The following GATB variants were observed in gnomAD, a reference collection of about 807,000 sequenced individuals.
The protein encoded by GATB is glutamyl-tRNA(Gln) amidotransferase subunit B, mitochondrial.
In GATB, 39 loss-of-function variants were observed where a neutral mutation model predicts 62.3. The ratio of observed to expected loss-of-function variants is 0.63; its 90% CI spans 0.48 to 0.82. The LOEUF (loss-of-function observed/expected upper bound fraction) is 0.82, where lower values mean the gene tolerates loss of function less well. Ranked by LOEUF, GATB falls within the 40% of genes least tolerant of loss-of-function variation. The pLI, the probability that GATB is intolerant of heterozygous loss-of-function variation, is 0.00. For synonymous variants in GATB, 276 were observed against 258.9 expected, an observed-to-expected ratio of 1.07 and a Z score of -0.63; for missense variants, 670 against 684.0, an observed-to-expected ratio of 0.98 and a Z score of 0.23.
chr4:151,682,881 G>A (rs1303552287), intron 10 of GATB, among the ~76,000 whole-genome samples: 2 of 152,058 alleles, frequency 1.3e-5, no homozygotes, highest in Non-Finnish European at 2.9e-5. Context: ...CCTAGCTGGC[G>A]TCCCACCAAG....
In GATB at chr4:151,753,499, A is replaced by G. The variant is rs545423917; in HGVS notation, c.327+5273T>C. ...CTCACACACTCTTGTCTCCTCTCCC[A>G]TTCTTTTGTAGGCTTATCACATTTG... On this transcript the variant is annotated intron_variant, in intron 2 of 12. Transcript: ENST00000263985. Among the ~76,000 whole-genome samples the G allele has an allele frequency of 1.2e-4, 19 of 152,020 alleles. No homozygotes were observed. In the East Asian group the frequency reaches 3.7e-3, roughly 29 times the overall value.
At chr4:151,737,206 G>A (rs57417986) in intron 2 of GATB, among the ~76,000 whole-genome samples, 20,502 of 152,136 alleles carry the variant, frequency 0.13, 1,557 homozygotes, top group African/African-American at 0.2. Context: ...GCCTGATAGC[G>A]ATATGGAAAA....
intron 2 of GATB, among the ~76,000 whole-genome samples, chr4:151,741,438 T>C (rs1457451143): frequency 6.6e-6 from 1 of 152,184 alleles, no homozygotes; most frequent in Non-Finnish European, 1.5e-5. Flanking sequence ...TTGCTCCATA[T>C]CTCATCCATG....
At chr4:151,751,847 C>T (rs560608727) in intron 2 of GATB, among the ~76,000 whole-genome samples, 2 of 152,130 alleles carry the variant, frequency 1.3e-5, no homozygotes, top group Non-Finnish European at 2.9e-5. Flanking sequence ...CTTTTTTCCA[C>T]ACAAATCAGA....
chr4:151,720,568 A>T (rs760298058), intron 2 of GATB: 17 of 152,184 alleles, frequency 1.1e-4, no homozygotes, highest in Admixed American at 2.6e-4. Flanking sequence ...TCTTTAGTAT[A>T]TTTAATATAC....
At chr4:151,757,804 G>GT (rs1338921575) in intron 2 of GATB, among the ~76,000 whole-genome samples, 1 of 152,114 alleles carries the variant, frequency 6.6e-6, no homozygotes, top group African/African-American at 2.4e-5. Context: ...TTATTTAAAT[G>GT]TTTGAGAGCA....
At chr4:151,719,689 A>C (rs1236733185) in intron 2 of GATB, 151 bp from the exon 3 acceptor site, 1 of 509,340 alleles carries the variant, frequency 2.0e-6, no homozygotes, top group East Asian at 3.7e-5. Flanking sequence ...TCACAAGCCG[A>C]GTCTGTTTGC....
chr4:151,757,671 G>T (rs556658310), intron 2 of GATB, among the ~76,000 whole-genome samples: 1 of 151,976 alleles, frequency 6.6e-6, no homozygotes, highest in Non-Finnish European at 1.5e-5. Context: ...TAGAGATGGG[G>T]TTTCACCGTG....
chr4:151,705,381 A>G, intron 6 of GATB, 112 bp from the exon 7 acceptor site: 1 of 667,996 alleles, frequency 1.5e-6, no homozygotes, highest in South Asian at 1.9e-5. Context: ...AAAAAAATCA[A>G]GAAGATTGTT....
intron 11 of GATB, among the ~76,000 whole-genome samples, chr4:151,679,130 G>A (rs550942076): frequency 2.0e-5 from 3 of 152,202 alleles, no homozygotes; most frequent in South Asian, 4.1e-4. Context: ...TCCTGACCTC[G>A]TGATCCACCC....
chr4:151,704,788 G>A (rs1270046927), intron 7 of GATB, among the ~76,000 whole-genome samples: 1 of 149,904 alleles, frequency 6.7e-6, no homozygotes, highest in Non-Finnish European at 1.5e-5. Context: ...TCGCTCTGTC[G>A]CCCAGGCTGG....
intron 2 of GATB, among the ~76,000 whole-genome samples, chr4:151,733,892 T>C (rs1003703867): frequency 1.3e-5 from 2 of 152,008 alleles, no homozygotes; most frequent in African/African-American, 4.8e-5. Flanking sequence ...TTCGACAAAA[T>C]CCAGCATCCC....
intron 2 of GATB, among the ~76,000 whole-genome samples, chr4:151,746,591 T>C (rs1295208575): frequency 6.6e-6 from 1 of 152,194 alleles, no homozygotes; most frequent in Non-Finnish European, 1.5e-5. Flanking sequence ...AAGAATGCTG[T>C]CCTTAGTGTA....
intron 11 of GATB, chr4:151,673,566 C>T (rs1737926680): frequency 6.6e-6 from 1 of 152,192 alleles, no homozygotes; most frequent in Admixed American, 6.5e-5. Context: ...TCATCTCCTA[C>T]AGGTAGAGCC....
At chr4:151,719,389 G>T in intron 3 of GATB, 36 bp downstream of exon 3, 1 of 1,474,886 alleles carries the variant, frequency 6.8e-7, no homozygotes, top group Non-Finnish European at 9.5e-7. Context: ...CCAGCTCTGA[G>T]AACTTGCAGT....
intron 8 of GATB, chr4:151,703,624 C>T (rs1738650036): frequency 3.5e-6 from 2 of 565,916 alleles, no homozygotes; most frequent in African/African-American, 1.9e-5. Flanking sequence ...CTTCCAAAAG[C>T]TGAATCAGTC....
At chr4:151,740,696 A>G (rs896944809) in intron 2 of GATB, among the ~76,000 whole-genome samples, 4 of 152,246 alleles carry the variant, frequency 2.6e-5, no homozygotes, top group Non-Finnish European at 5.9e-5. Context: ...GGCAGCTGCC[A>G]TGGCCAGGCA....
At chr4:151,746,755 G>A (rs545218584) in intron 2 of GATB, among the ~76,000 whole-genome samples, 22 of 152,308 alleles carry the variant, frequency 1.4e-4, no homozygotes, top group East Asian at 9.6e-4. Flanking sequence ...TAATCAGAAC[G>A]GGGAGGGGGT....
intron 10 of GATB, 148 bp from the exon 11 acceptor site, chr4:151,680,039 CTT>C (rs1738104475): frequency 1.6e-6 from 1 of 627,892 alleles, no homozygotes; most frequent in Non-Finnish European, 2.8e-6. Context: ...ACTGGGCTCT[CTT>C]TTATTTTACT....
Sources: gnomAD v4.1 joint callset for allele counts (sites outside exome capture counted in the v4.1 genomes callset) on GRCh38, gnomAD v4.1.1 for gene constraint, MANE v1.5 for transcripts, NCBI Gene and HGNC (gene_info 2026-07-23, HGNC 2026-07-21) for gene names.